CGGBP1: variants seen among roughly 807,000 people sequenced by gnomAD.
CGGBP1 encodes CGG triplet repeat-binding protein 1.
CGGBP1 carries 4 observed loss-of-function variants against 11.4 expected under a neutral mutation model. The observed-to-expected ratio is 0.35, with a 90% CI of 0.17 to 0.80. The LOEUF is 0.80. CGGBP1 is among the 30% of genes least tolerant of loss of function. The pLI, the probability that CGGBP1 is intolerant of heterozygous loss-of-function variation, is 0.52. For missense variants in CGGBP1, 135 were observed against 202.1 expected (o/e 0.67, Z 2.01); for synonymous variants, 76 against 74.1 (o/e 1.03, Z -0.13).
intron 2 of CGGBP1, among the ~76,000 whole-genome samples, chr3:88,135,945 TTATG>T (rs1474794175): frequency 6.6e-6 from 1 of 152,152 alleles, no homozygotes; most frequent in Non-Finnish European, 1.5e-5. Context: ...TTTTATGTAT[TTATG>T]CATTTATTAC....
At chr3:88,122,859 A>C (rs374356954) in intron 2 of CGGBP1, among the ~76,000 whole-genome samples, 2 of 151,822 alleles carry the variant, frequency 1.3e-5, no homozygotes, top group Non-Finnish European at 2.9e-5. Context: ...ATAATACAAA[A>C]ATTAGCTAGG....
At chr3:88,120,819 T>A (rs1200621281) in intron 2 of CGGBP1, among the ~76,000 whole-genome samples, 2 of 152,112 alleles carry the variant, frequency 1.3e-5, no homozygotes, top group African/African-American at 4.8e-5. Flanking sequence ...ATTAGTGTGA[T>A]TATAGCGTAT....
At chr3:88,119,807 A>T (rs1046153095) in intron 2 of CGGBP1, among the ~76,000 whole-genome samples, 1 of 152,198 alleles carries the variant, frequency 6.6e-6, no homozygotes, top group Non-Finnish European at 1.5e-5. Context: ...TACTTATTTT[A>T]AAATGCTAAT....
At chr3:88,084,778 G>A (rs1413798779) in intron 2 of CGGBP1, among the ~76,000 whole-genome samples, 5 of 152,196 alleles carry the variant, frequency 3.3e-5, no homozygotes, top group African/African-American at 1.2e-4. Flanking sequence ...CAAGCAGCGT[G>A]AGTTTCGTGT....
chr3:88,067,231 A>G (rs1309076899), intron 2 of CGGBP1, among the ~76,000 whole-genome samples: 1 of 152,240 alleles, frequency 6.6e-6, no homozygotes, highest in African/African-American at 2.4e-5. Context: ...ACGCAATACT[A>G]TAAATGGGAA....
exon 2 of CGGBP1, chr3:88,141,005 A>C: frequency 6.2e-7 from 1 of 1,611,514 alleles, no homozygotes. Flanking sequence ...ATCTTGCACA[A>C]AAGAAATGTC....
chr3:88,098,096 A>C (rs1352714066), intron 2 of CGGBP1, among the ~76,000 whole-genome samples: 1 of 152,154 alleles, frequency 6.6e-6, no homozygotes, highest in East Asian at 1.9e-4. Flanking sequence ...AGACTAATAA[A>C]GAAGAAAAGA....
chr3:88,133,558 T>C (rs921087012), intron 2 of CGGBP1, among the ~76,000 whole-genome samples: 4 of 151,692 alleles, frequency 2.6e-5, no homozygotes, highest in Admixed American at 2.6e-4. Context: ...GAAAGATAAG[T>C]TCATCTTAGG....
At chr3:88,147,303 G>A (rs1004991822) in intron 1 of CGGBP1, among the ~76,000 whole-genome samples, 1 of 152,150 alleles carries the variant, frequency 6.6e-6, no homozygotes, top group African/African-American at 2.4e-5. Context: ...AGATGATGAG[G>A]TAAGGCCTCT....
At chr3:88,133,592 C>T (rs1048258046) in intron 2 of CGGBP1, among the ~76,000 whole-genome samples, 2 of 152,040 alleles carry the variant, frequency 1.3e-5, no homozygotes, top group African/African-American at 4.8e-5. Context: ...CCAAATATAG[C>T]AGTCAGCATA....
intron 2 of CGGBP1, among the ~76,000 whole-genome samples, chr3:88,108,611 G>A (rs1055655837): frequency 6.6e-6 from 1 of 152,086 alleles, no homozygotes; most frequent in African/African-American, 2.4e-5. Context: ...CCTTTGTTCA[G>A]TGTATCTACA....
chr3:88,056,047 T>C lies in CGGBP1; in HGVS notation c.-23-48A>G, dbSNP rs1335119697. On this transcript the variant is annotated intron_variant, in intron 3 of 3. Coordinates refer to ENST00000482016, the MANE Select transcript of CGGBP1 (RefSeq NM_001008390.2). Reference sequence around the variant, plus strand: ...GATGAGTATTATAACAACAGTTCATTCTGGAAGTAATGAACAATAAAAGGC... The same window carrying C: ...GATGAGTATTATAACAACAGTTCATCCTGGAAGTAATGAACAATAAAAGGC... 6 of 1,397,416 alleles carry C rather than the reference T, an allele frequency of 4.3e-6. No homozygotes were observed. The Admixed American group carries it at 1.3e-4, about 31-fold the overall frequency. 86.6% of individuals were successfully genotyped at this position (1,397,416 alleles called of 1,614,324 possible).
At chr3:88,067,043 T>G (rs973386765) in intron 2 of CGGBP1, among the ~76,000 whole-genome samples, 4 of 152,202 alleles carry the variant, frequency 2.6e-5, no homozygotes, top group Non-Finnish European at 2.9e-5. Flanking sequence ...CTGTCAACTT[T>G]TCAAAGCAGT....
intron 2 of CGGBP1, among the ~76,000 whole-genome samples, chr3:88,067,885 T>G (rs1707290689): frequency 6.6e-6 from 1 of 151,582 alleles, no homozygotes; most frequent in South Asian, 2.1e-4. Context: ...TTCTTTTCTT[T>G]CTTTTTTTTT....
upstream of CGGBP1, among the ~76,000 whole-genome samples, chr3:88,061,803 G>GT (rs1310437500): frequency 1.3e-5 from 2 of 152,116 alleles, no homozygotes; most frequent in African/African-American, 2.4e-5. Context: ...ATAATAATTT[G>GT]TTTTTATTAG....
intron 2 of CGGBP1, among the ~76,000 whole-genome samples, chr3:88,086,026 G>C (rs528895906): frequency 7.2e-5 from 11 of 152,198 alleles, no homozygotes; most frequent in Admixed American, 2.0e-4. Flanking sequence ...ATTGGTAGTT[G>C]AATAGTACAG....
intron 2 of CGGBP1, among the ~76,000 whole-genome samples, chr3:88,129,454 G>T (rs560066141): frequency 6.6e-6 from 1 of 151,580 alleles, no homozygotes; most frequent in South Asian, 2.1e-4. Context: ...AATATGGATC[G>T]TATGTACCTA....
At chr3:88,062,601 T>C (rs1210193164), upstream of CGGBP1, among the ~76,000 whole-genome samples, 1 of 152,190 alleles carries the variant, frequency 6.6e-6, no homozygotes, top group African/African-American at 2.4e-5. Context: ...ATACACTGAA[T>C]TTTTTGTCAT....
At chr3:88,098,371 G>A (rs1171018444) in intron 2 of CGGBP1, among the ~76,000 whole-genome samples, 1 of 152,206 alleles carries the variant, frequency 6.6e-6, no homozygotes. Context: ...TCCAGGACCA[G>A]ATGGATTCAC....
Sources: gnomAD v4.1 joint callset for allele counts (sites outside exome capture counted in the v4.1 genomes callset) on GRCh38, gnomAD v4.1.1 for gene constraint, MANE v1.5 for transcripts, NCBI Gene and HGNC (gene_info 2026-07-23, HGNC 2026-07-21) for gene names.